DAAM2: variants seen among roughly 807,000 people sequenced by gnomAD.
The protein encoded by DAAM2 is disheveled-associated activator of morphogenesis 2.
In DAAM2, 39 loss-of-function variants were observed where a neutral mutation model predicts 120.7. The observed-to-expected ratio is 0.32, with a 90% CI of 0.25 to 0.42. DAAM2 has a LOEUF of 0.42. DAAM2 is among the 10% of genes least tolerant of loss of function. DAAM2 has a pLI of 1.00. For synonymous variants in DAAM2, 488 were observed against 524.9 expected (o/e 0.93, Z 0.96); for missense variants, 1,283 against 1,401.7 (o/e 0.92, Z 1.35).
At chr6:39,813,652 C>A (rs1384276278) in intron 1 of DAAM2, among the ~76,000 whole-genome samples, 2 of 152,162 alleles carry the variant, frequency 1.3e-5, no homozygotes, top group Admixed American at 1.3e-4. Flanking sequence ...AAAATTAGTT[C>A]ATGAGCCCAT....
chr6:39,847,792 C>T (rs575421652), intron 1 of DAAM2, among the ~76,000 whole-genome samples: 1 of 152,224 alleles, frequency 6.6e-6, no homozygotes, highest in Admixed American at 6.5e-5. Context: ...CTTGTCTTCC[C>T]ACCCCATACA....
In DAAM2 at chr6:39,868,842, A is replaced by G. The variant is rs1764533696; in HGVS notation, c.782A>G (p.Asp261Gly). ...ACCTAGACCCTGCTGAACGAGCTAG[A>G]CCGAAGTCTGGGCCGGTACCGGGAT... is the stretch of plus-strand genomic sequence containing the variant. ...TRFQTLLNEL[D>G]RSLGRYRDEV... Residue 261 changes from aspartate (D) to glycine (G), a missense_variant, in exon 7 of 25, where the codon GAC becomes GGC. Asp to Gly is a moderately conservative substitution (Grantham distance 94). Around this residue, in one of 3 missense-constraint regions of DAAM2, gnomAD observed 338 missense variants for 443.9 expected, o/e 0.76. Transcript: ENST00000274867. 1.3e-6 allele frequency: 2 copies of G among 1,582,554 alleles called. No individual in the cohort carries two copies. The highest frequency in any genetic ancestry group is 1.7e-6 in the Non-Finnish European group (2 of 1,164,300).
intron 1 of DAAM2, among the ~76,000 whole-genome samples, chr6:39,803,659 C>T (rs1761930470): frequency 6.6e-6 from 1 of 152,174 alleles, no homozygotes; most frequent in African/African-American, 2.4e-5. Context: ...GAAGCTCATG[C>T]ATATTGGATC....
rs369301844 is a variant in DAAM2 at position 39,901,509 on chromosome 6, C to T, written c.2982+37C>T. On this transcript the variant is annotated intron_variant, in intron 24 of 24. Transcript: ENST00000274867. This position sits in a 1 kb window ranked among gnomAD's most constrained non-coding sequence, Gnocchi z 4.5. ...TGCCAGGCCTGGGACTGAGGGGAGA[C>T]GGGTGCTACTTGGGGAGAACACCCC... The T allele has an allele frequency of 1.8e-4, 282 of 1,581,954 alleles. No homozygotes were observed. Among genetic ancestry groups the T allele is most frequent in the African/African-American group, 9.5e-4 (71 of 74,468 alleles).
At chr6:39,800,529 G>T (rs1399781031) in intron 1 of DAAM2, among the ~76,000 whole-genome samples, 3 of 152,212 alleles carry the variant, frequency 2.0e-5, no homozygotes, top group Admixed American at 2.0e-4. Flanking sequence ...GCCTGGCTGG[G>T]TCCACATCCC....
chr6:39,856,247 A>G lies in DAAM2; in HGVS notation c.-56A>G. ...CCCTGTGTTCTCTCCTCTTGTCCAG[A>G]TCACAATGAGGACCTAGGGCATCTG... On this transcript the variant is annotated splice_region_variant and 5_prime_UTR_variant, in exon 2 of 25. Transcript: ENST00000274867. 7.2e-7 allele frequency: 1 copy of G among 1,394,992 alleles called. No individual in the cohort carries two copies. Among genetic ancestry groups the G allele is most frequent in the Non-Finnish European group, 9.3e-7 (1 of 1,071,486 alleles). 86.4% of individuals were successfully genotyped at this position (1,394,992 alleles called of 1,614,324 possible). A position where few individuals can be genotyped will look rare whatever the true frequency, so the allele number is the denominator to read the frequency against.
Position 39,901,475 on chromosome 6 carries a change from GA to G in DAAM2, c.2982+4del. ...GGCGGGCGCGCATGGAAGCCATGGT[GA>G]GGGGCAGTGCCAGGCCTGGGACTGA... On this transcript the variant is annotated splice_donor_region_variant and intron_variant, in intron 24 of 24. Transcript: ENST00000274867. The surrounding 1 kb of genome is among the most constrained non-coding windows in gnomAD (Gnocchi z 4.5). 1 of 1,603,710 alleles carries G rather than the reference GA, an allele frequency of 6.2e-7. No individual in the cohort carries two copies. The highest frequency in any genetic ancestry group is 1.1e-5 in the South Asian group (1 of 90,646).
Position 39,887,483 on chromosome 6 carries a change from C to A in DAAM2, c.1954-3C>A. On this transcript the variant is annotated splice_polypyrimidine_tract_variant and splice_region_variant and intron_variant, in intron 15 of 24. Coordinates refer to ENST00000274867, the MANE Select transcript of DAAM2 (RefSeq NM_001201427.2). The stretch of plus-strand genomic sequence containing the variant: ...AACTGTCCACTTGACTTGTTGGTTG[C>A]AGAAAGAGCTGGGCTCCACTGAAGA... 1 of 1,610,910 alleles carries A rather than the reference C, an allele frequency of 6.2e-7. No homozygotes were observed. The highest frequency in any genetic ancestry group is 8.5e-7 in the Non-Finnish European group (1 of 1,177,860).
chr6:39,811,773 G>A (rs1039794497), intron 1 of DAAM2, among the ~76,000 whole-genome samples: 7 of 152,140 alleles, frequency 4.6e-5, no homozygotes, highest in African/African-American at 1.2e-4. Flanking sequence ...GGATGTTGGC[G>A]GGGGGATCTG....
chr6:39,831,970 G>T (rs1338381259), intron 1 of DAAM2, among the ~76,000 whole-genome samples: 1 of 127,436 alleles, frequency 7.8e-6, no homozygotes, highest in Non-Finnish European at 1.7e-5. Flanking sequence ...GCACTGGGGG[G>T]GTAGGTGCAC....
intron 1 of DAAM2, among the ~76,000 whole-genome samples, chr6:39,804,714 A>G (rs1007926787): frequency 6.6e-6 from 1 of 152,240 alleles, no homozygotes; most frequent in African/African-American, 2.4e-5. Context: ...GCTTCTGAGC[A>G]TTTCTAGTCA....
intron 15 of DAAM2, chr6:39,885,676 A>C (rs557320002): frequency 6.6e-6 from 1 of 151,944 alleles, no homozygotes; most frequent in Non-Finnish European, 1.5e-5. Context: ...GCCTCCCCTC[A>C]CTCAGTGGGC....
chr6:39,828,958 G>A (rs1437451624), intron 1 of DAAM2, among the ~76,000 whole-genome samples: 1 of 152,230 alleles, frequency 6.6e-6, no homozygotes, highest in Non-Finnish European at 1.5e-5. Flanking sequence ...ACACAGACAT[G>A]CAAACCATAG....
Position 39,878,671 on chromosome 6 carries a change from G to C in DAAM2, c.1545+83G>C. 2.2e-6 allele frequency: 3 copies of C among 1,393,428 alleles called. No individual in the cohort carries two copies. The highest frequency in any genetic ancestry group is 2.9e-6 in the Non-Finnish European group (3 of 1,028,356). 86.3% of individuals were successfully genotyped at this position (1,393,428 alleles called of 1,614,324 possible). On this transcript the variant is annotated intron_variant, in intron 13 of 24. Coordinates refer to ENST00000274867, the MANE Select transcript of DAAM2 (RefSeq NM_001201427.2). The surrounding 1 kb of genome is among the most constrained non-coding windows in gnomAD (Gnocchi z 5.0). ...GGTGGGCAGAGCAGGTGTCGGAGAG[G>C]CCAAGGACCCCAGCATGAGGGAGAA...
chr6:39,827,232 C>T (rs758839874), intron 1 of DAAM2, among the ~76,000 whole-genome samples: 13 of 150,532 alleles, frequency 8.6e-5, no homozygotes, highest in Non-Finnish European at 1.3e-4. Context: ...GCTGTGGGTC[C>T]TGAGGCAAGT....
Position 39,891,679 on chromosome 6 carries a change from G to C in DAAM2, c.2298G>C (p.Lys766Asn), listed in dbSNP as rs752534478. 18 of 1,610,396 alleles carry C rather than the reference G, an allele frequency of 1.1e-5. No homozygotes were observed. In the Middle Eastern group the frequency reaches 8.3e-4, roughly 74 times the overall value. The change falls in exon 19 of 25, where the codon AAG becomes AAC. Residue 766 changes from lysine to asparagine, a missense_variant. Transcript: ENST00000274867. ...GACTGCAAGCCCTCTTCTTCAAGAA[G>C]AAATTCCAGGAGCGGCTGGCTGAGG... ...QQRLQALFFKKKFQERLAEAK... is the reference protein window; with the variant it reads ...QQRLQALFFKNKFQERLAEAK...
chr6:39,822,589 T>C (rs1316810247), intron 1 of DAAM2: 2 of 152,330 alleles, frequency 1.3e-5, no homozygotes, highest in African/African-American at 4.8e-5. Flanking sequence ...TGCTAAAGGC[T>C]TTGCATCTCC....
chr6:39,820,008 G>A lies in DAAM2; in HGVS notation c.-57+27543G>A, dbSNP rs1437229951. 3.9e-5 allele frequency: 6 copies of A among 152,402 alleles called. No homozygotes were observed. The East Asian group carries it at 1.2e-3, about 29-fold the overall frequency. The allele number at this position is 152,402 out of a possible 1,614,324, so 9.4% of individuals were successfully genotyped here. On this transcript the variant is annotated intron_variant, in intron 1 of 24. Coordinates refer to ENST00000274867, the MANE Select transcript of DAAM2 (RefSeq NM_001201427.2). ...CGGGCAAAGCTTGTGAGAGCACAGA[G>A]GAAGGAGTTTTTAATGTTCAACACT...
intron 3 of DAAM2, 199 bp downstream of exon 3, chr6:39,861,216 T>A (rs1478904236): frequency 3.0e-6 from 2 of 663,212 alleles, no homozygotes; most frequent in African/African-American, 3.6e-5. Context: ...TAGGATTCTC[T>A]TTTTCAAAAA....
Sources: allele counts gnomAD v4.1 joint callset (sites outside exome capture counted in the v4.1 genomes callset), GRCh38; gene constraint gnomAD v4.1.1; regional missense constraint gnomAD v4.1.1; non-coding constraint Gnocchi (gnomAD v3.1); transcripts MANE v1.5; gene names NCBI Gene and HGNC (gene_info 2026-07-23, HGNC 2026-07-21).